BPHL: variants seen among roughly 807,000 people sequenced by gnomAD.
The protein encoded by BPHL is serine hydrolase BPHL.
BPHL carries 27 observed loss-of-function variants against 31.2 expected under a neutral mutation model. The ratio of observed to expected loss-of-function variants is 0.87; its 90% CI spans 0.64 to 1.19. BPHL has a LOEUF of 1.19. Ranked by LOEUF, BPHL falls within the 50% of genes most tolerant of loss-of-function variation. The probability of loss-of-function intolerance (pLI) is 0.00; values close to 1 mark genes in which losing one functional copy is unlikely to be tolerated. For synonymous variants in BPHL, 150 were observed against 146.8 expected, an observed-to-expected ratio of 1.02 and a Z score of -0.16; for missense variants, 356 against 375.7, an observed-to-expected ratio of 0.95 and a Z score of 0.43.
At chr6:3,141,991 A>G (rs1036529849) in intron 6 of BPHL, among the ~76,000 whole-genome samples, 1 of 152,158 alleles carries the variant, frequency 6.6e-6, no homozygotes, top group African/African-American at 2.4e-5. Context: ...ATAAATAAGT[A>G]TAAATTTATT....
chr6:3,135,146 C>T (rs1281365580), intron 4 of BPHL, among the ~76,000 whole-genome samples: 1 of 152,186 alleles, frequency 6.6e-6, no homozygotes, highest in African/African-American at 2.4e-5. Context: ...CTCAAATGTT[C>T]CTTCTAAAAG....
In BPHL at chr6:3,122,037, A is replaced by T. The variant is rs183130751; in HGVS notation, c.108-1620A>T. On this transcript the variant is annotated intron_variant, in intron 1 of 6. Coordinates refer to ENST00000380379, the MANE Select transcript of BPHL (RefSeq NM_004332.4). The stretch of plus-strand genomic sequence containing the variant: ...GGCCGGGCCTGTAATCCCAGCGCTT[A>T]GGGAGGCTGAGGCAGGCAGATCACG... Among the ~76,000 whole-genome samples, 581 of 152,198 alleles carry T rather than the reference A, an allele frequency of 3.8e-3. 6 individuals carry two copies. The highest frequency in any genetic ancestry group is 0.013 in the African/African-American group (547 of 41,548).
intron 5 of BPHL, 149 bp downstream of exon 5, chr6:3,137,642 T>C: frequency 8.0e-7 from 1 of 1,243,504 alleles, no homozygotes. Flanking sequence ...CTAGTTCTTG[T>C]GTACTGTGCC....
Position 3,123,636 on chromosome 6 carries a change from GA to G in BPHL, c.108-20del. On this transcript the variant is annotated intron_variant, in intron 1 of 6. Transcript: ENST00000380379. ...CCCATCTCCCCTTTCCCCCTGTGGG[GA>G]TGTGTTTTTTCTCTTCTAGCACCTC... 3 of 1,602,682 alleles carry G rather than the reference GA, an allele frequency of 1.9e-6. No individual in the cohort carries two copies. The highest frequency in any genetic ancestry group is 2.6e-6 in the Non-Finnish European group (3 of 1,171,362).
chr6:3,151,553 T>C (rs1043032735), intron 6 of BPHL, among the ~76,000 whole-genome samples: 26 of 152,314 alleles, frequency 1.7e-4, no homozygotes, highest in Non-Finnish European at 2.5e-4. Flanking sequence ...ACTGAGGTTC[T>C]GAGCTGTCAG....
chr6:3,142,187 C>T (rs1310229843), intron 6 of BPHL, among the ~76,000 whole-genome samples: 6 of 151,582 alleles, frequency 4.0e-5, no homozygotes, highest in African/African-American at 1.5e-4. Context: ...GGCGCGATCT[C>T]GGCTCACTGC....
intron 6 of BPHL, among the ~76,000 whole-genome samples, chr6:3,146,566 TGGTTCGGGGTGGAGTACTGGTTTG>T (rs1284713523): frequency 3.1e-5 from 2 of 65,272 alleles, no homozygotes; most frequent in Non-Finnish European, 5.5e-5. Context: ...TCGGGAGTGC[TGGTTCGGGGTGGAGTACTGGTTTG>T]GGTTCGGGGT....
chr6:3,128,304 C>A (rs888260800), intron 3 of BPHL, among the ~76,000 whole-genome samples: 2 of 152,154 alleles, frequency 1.3e-5, no homozygotes, highest in African/African-American at 4.8e-5. Context: ...ATTTCATACA[C>A]ATTTAGGAGA....
chr6:3,148,706 G>T (rs1053509921), intron 6 of BPHL, among the ~76,000 whole-genome samples: 1 of 152,230 alleles, frequency 6.6e-6, no homozygotes, highest in African/African-American at 2.4e-5. Context: ...CACGCTGCTT[G>T]TGGGCTCGTT....
At position 3,125,233 on chromosome 6, in the gene BPHL, C is replaced by T. The variant is rs548913152; in HGVS notation, c.211+1473C>T. On this transcript the variant is annotated intron_variant, in intron 2 of 6. Coordinates refer to ENST00000380379, the MANE Select transcript of BPHL (RefSeq NM_004332.4). ...GCTAATTTTGTATTTTTAGTAGAGA[C>T]GAGATTTCACCATGTTGTCCAGGCT... Among the ~76,000 whole-genome samples, 313 of 152,044 alleles carry T rather than the reference C, an allele frequency of 2.1e-3. 1 individual carries two copies. Among genetic ancestry groups the T allele is most frequent in the African/African-American group, 6.7e-3 (276 of 41,462 alleles).
intron 1 of BPHL, chr6:3,119,174 A>C: frequency 9.9e-7 from 1 of 1,015,042 alleles, no homozygotes; most frequent in Non-Finnish European, 1.5e-6. Flanking sequence ...GTATGGACTC[A>C]CCCGTGACGG....
intron 1 of BPHL, 30 bp downstream of exon 1, chr6:3,118,877 C>G: frequency 1.1e-5 from 13 of 1,232,414 alleles, no homozygotes; most frequent in Non-Finnish European, 1.3e-5. Flanking sequence ...CCCGGGGATC[C>G]CCAGCATCGG....
At chr6:3,130,896 T>G (rs1761852406) in intron 4 of BPHL, among the ~76,000 whole-genome samples, 1 of 152,110 alleles carries the variant, frequency 6.6e-6, no homozygotes, top group Admixed American at 6.5e-5. Context: ...GCCAGTCCTG[T>G]CTGTGCTCCT....
rs201207918 is a variant in BPHL at position 3,129,209 on chromosome 6, C to T, written c.532+11C>T. On this transcript the variant is annotated intron_variant, in intron 4 of 6. Transcript: ENST00000380379. ...GCATGATATATGAGGGTAGGTTCTG[C>T]GAAGGGGAGATGCCGGGACGGCAGA... The T allele has an allele frequency of 5.4e-5, 83 of 1,543,798 alleles. No homozygotes were observed. The highest frequency in any genetic ancestry group is 6.9e-5 in the Non-Finnish European group (79 of 1,147,298).
At chr6:3,141,974 G>T (rs1328068291) in intron 6 of BPHL, among the ~76,000 whole-genome samples, 1 of 151,894 alleles carries the variant, frequency 6.6e-6, no homozygotes, top group Admixed American at 6.6e-5. Context: ...CTCCGTCTCA[G>T]AAATAAATAA....
chr6:3,124,308 A>G (rs1387124792), intron 2 of BPHL, among the ~76,000 whole-genome samples: 2 of 152,152 alleles, frequency 1.3e-5, no homozygotes, highest in East Asian at 1.9e-4. Context: ...CTGGATCTCA[A>G]TCTCATTTTG....
At chr6:3,121,794 CTG>C (rs1761582136) in intron 1 of BPHL, among the ~76,000 whole-genome samples, 1 of 152,152 alleles carries the variant, frequency 6.6e-6, no homozygotes, top group Non-Finnish European at 1.5e-5. Context: ...CTACCCAATT[CTG>C]TCTTTTATTT....
At chr6:3,127,434 G>A in intron 3 of BPHL, 26 bp downstream of exon 3, 2 of 1,509,286 alleles carry the variant, frequency 1.3e-6, no homozygotes, top group Middle Eastern at 1.8e-4. Context: ...AAGGGCCAGG[G>A]GAGGAAGGGT....
chr6:3,120,330 C>T (rs541958765), intron 1 of BPHL, among the ~76,000 whole-genome samples: 111 of 152,214 alleles, frequency 7.3e-4, no homozygotes, highest in African/African-American at 2.6e-3. Context: ...CCACCGCTCT[C>T]GGCCTACCAG....
Sources: gnomAD v4.1 joint callset for allele counts (sites outside exome capture counted in the v4.1 genomes callset) on GRCh38, gnomAD v4.1.1 for gene constraint, MANE v1.5 for transcripts, NCBI Gene and HGNC (gene_info 2026-07-23, HGNC 2026-07-21) for gene names.